CAMK1D: variants seen among roughly 807,000 people sequenced by gnomAD.
CAMK1D encodes the protein calcium/calmodulin dependent protein kinase ID.
CAMK1D carries 9 observed loss-of-function variants against 47.7 expected under a neutral mutation model. That is an observed-to-expected ratio of 0.19 (90% CI 0.11 to 0.33). CAMK1D has a LOEUF of 0.33. Ranked by LOEUF, CAMK1D falls within the 10% of genes least tolerant of loss-of-function variation. The probability of loss-of-function intolerance (pLI) is 1.00; values close to 1 mark genes in which losing one functional copy is unlikely to be tolerated. For synonymous variants in CAMK1D, 184 were observed against 184.9 expected (o/e 0.99, Z 0.04); for missense variants, 291 against 488.7 (o/e 0.60, Z 3.81).
intron 4 of CAMK1D, among the ~76,000 whole-genome samples, chr10:12,767,160 T>C (rs369611711): frequency 3.2e-4 from 48 of 152,278 alleles, no homozygotes; most frequent in African/African-American, 1.2e-3. Flanking sequence ...GAGACAGGTC[T>C]CAGTCAATTT....
At chr10:12,497,433 C>T (rs542725355) in intron 1 of CAMK1D, among the ~76,000 whole-genome samples, 186 of 146,216 alleles carry the variant, frequency 1.3e-3, no homozygotes, top group African/African-American at 4.3e-3. Flanking sequence ...ACCGAGATCA[C>T]GCCACTGCAC....
At position 12,553,433 on chromosome 10, in the gene CAMK1D, C is replaced by T; in HGVS notation, c.224+77C>T. 3.2e-6 allele frequency: 4 copies of T among 1,260,208 alleles called. No homozygotes were observed. In the South Asian group the frequency reaches 3.7e-5, roughly 12 times the overall value. 78.1% of individuals were successfully genotyped at this position (1,260,208 alleles called of 1,614,324 possible). A position where few individuals can be genotyped will look rare whatever the true frequency, so the allele number is the denominator to read the frequency against. On this transcript the variant is annotated intron_variant, in intron 2 of 10. Coordinates refer to ENST00000619168, the MANE Select transcript of CAMK1D (RefSeq NM_153498.4). ...TCCTGCAGGAGTCCTGCCCCGGAGG[C>T]AGACTTTCCCCGGGGGCAGAGGGGC...
chr10:12,564,159 C>G (rs147080399), intron 2 of CAMK1D, among the ~76,000 whole-genome samples: 6,514 of 105,434 alleles, frequency 0.062, 247 homozygotes, highest in East Asian at 0.15. Context: ...CTCTCTCTCT[C>G]TCTCTCTCTC....
intron 1 of CAMK1D, among the ~76,000 whole-genome samples, chr10:12,495,296 C>A (rs1834504541): frequency 6.6e-6 from 1 of 152,184 alleles, no homozygotes; most frequent in Non-Finnish European, 1.5e-5. Context: ...AGGCGAACAT[C>A]CATTTCTTCT....
intron 1 of CAMK1D, among the ~76,000 whole-genome samples, chr10:12,476,255 G>A (rs1021396390): frequency 2.6e-5 from 4 of 151,834 alleles, no homozygotes; most frequent in African/African-American, 7.3e-5. Context: ...TCACACCACC[G>A]CACTCTAGCC....
chr10:12,710,664 C>T (rs943765192), intron 3 of CAMK1D, among the ~76,000 whole-genome samples: 6 of 152,088 alleles, frequency 3.9e-5, no homozygotes, highest in South Asian at 2.1e-4. Flanking sequence ...GCCCAGAATG[C>T]GATCCAACCT....
At chr10:12,772,652 T>C (rs868547058) in intron 5 of CAMK1D, among the ~76,000 whole-genome samples, 4 of 152,138 alleles carry the variant, frequency 2.6e-5, no homozygotes, top group Middle Eastern at 3.2e-3. Context: ...GTGTCGGGAA[T>C]GGTGTTGAGA....
chr10:12,693,996 AT>A (rs1356504465), intron 3 of CAMK1D, among the ~76,000 whole-genome samples: 12 of 78,104 alleles, frequency 1.5e-4, no homozygotes, highest in East Asian at 1.1e-3. Context: ...TATACATATA[AT>A]ATATATAATA....
At chr10:12,512,206 A>T (rs1835060888) in intron 1 of CAMK1D, among the ~76,000 whole-genome samples, 1 of 152,232 alleles carries the variant, frequency 6.6e-6, no homozygotes, top group African/African-American at 2.4e-5. Context: ...TCAGCTCATC[A>T]AAACATTTAT....
intron 2 of CAMK1D, among the ~76,000 whole-genome samples, chr10:12,642,374 GA>G (rs1381005933): frequency 6.6e-6 from 1 of 152,210 alleles, no homozygotes; most frequent in Admixed American, 6.5e-5. Context: ...GTAGATGAGA[GA>G]GAAAAATAGG....
At position 12,586,549 on chromosome 10, in the gene CAMK1D, C is replaced by G. The variant is rs963740067; in HGVS notation, c.224+33193C>G. Among the ~76,000 whole-genome samples, 5 of 148,278 alleles carry G rather than the reference C, an allele frequency of 3.4e-5. No individual in the cohort carries two copies. The Admixed American group carries it at 3.4e-4, about 10-fold the overall frequency. ...AGGAAATCTACTCCTTTGTTAAAAACAATACCCATTCTCCAAAACTAGTAC... is the reference window on the plus strand; with the variant it reads ...AGGAAATCTACTCCTTTGTTAAAAAGAATACCCATTCTCCAAAACTAGTAC... On this transcript the variant is annotated intron_variant, in intron 2 of 10. Coordinates refer to ENST00000619168, the MANE Select transcript of CAMK1D (RefSeq NM_153498.4).
intron 1 of CAMK1D, among the ~76,000 whole-genome samples, chr10:12,411,180 CG>C (rs1426678708): frequency 6.6e-6 from 1 of 152,172 alleles, no homozygotes; most frequent in East Asian, 1.9e-4. Context: ...ATCCCTGGGA[CG>C]GGACGACCTC....
chr10:12,435,154 C>T (rs550286910), intron 1 of CAMK1D, among the ~76,000 whole-genome samples: 1 of 136,880 alleles, frequency 7.3e-6, no homozygotes, highest in South Asian at 2.3e-4. Context: ...ACTTGGGAGG[C>T]AGAGGTTACA....
At chr10:12,501,106 C>G (rs1362127058) in intron 1 of CAMK1D, among the ~76,000 whole-genome samples, 1 of 152,234 alleles carries the variant, frequency 6.6e-6, no homozygotes, top group East Asian at 1.9e-4. Context: ...GCCCTCAACT[C>G]ACTCCATTCT....
intron 6 of CAMK1D, among the ~76,000 whole-genome samples, chr10:12,796,323 T>G (rs1229150702): frequency 1.3e-5 from 2 of 152,180 alleles, no homozygotes; most frequent in African/African-American, 2.4e-5. Flanking sequence ...GAAGAAACTC[T>G]AGGCAAAACG....
chr10:12,694,336 A>ATTATATT (rs1227874268), intron 3 of CAMK1D, among the ~76,000 whole-genome samples: 1 of 87,942 alleles, frequency 1.1e-5, no homozygotes, highest in Non-Finnish European at 2.0e-5. Context: ...TAAAGTATAT[A>ATTATATT]TAATATATAA....
intron 4 of CAMK1D, among the ~76,000 whole-genome samples, chr10:12,762,836 T>C (rs1472921484): frequency 6.6e-6 from 1 of 152,198 alleles, no homozygotes; most frequent in African/African-American, 2.4e-5. Flanking sequence ...CTGCCAGGCC[T>C]CCGGGCCTTC....
intron 2 of CAMK1D, among the ~76,000 whole-genome samples, chr10:12,666,183 G>A (rs1452935426): frequency 6.6e-6 from 1 of 151,964 alleles, no homozygotes; most frequent in Non-Finnish European, 1.5e-5. Context: ...GTGGGGTGGG[G>A]GGACATGAAC....
At chr10:12,490,791 G>A (rs898058041) in intron 1 of CAMK1D, among the ~76,000 whole-genome samples, 1 of 152,098 alleles carries the variant, frequency 6.6e-6, no homozygotes, top group Non-Finnish European at 1.5e-5. Context: ...GTTGCAATGA[G>A]CCAAAAAGAA....
Sources: gnomAD v4.1 joint callset for allele counts (sites outside exome capture counted in the v4.1 genomes callset) on GRCh38, gnomAD v4.1.1 for gene constraint, MANE v1.5 for transcripts, NCBI Gene and HGNC (gene_info 2026-07-23, HGNC 2026-07-21) for gene names.